PTPRD: variants seen among roughly 807,000 people sequenced by gnomAD.
PTPRD encodes receptor-type tyrosine-protein phosphatase delta.
PTPRD carries 34 observed loss-of-function variants against 214.5 expected under a neutral mutation model. The ratio of observed to expected loss-of-function variants is 0.16; its 90% CI spans 0.12 to 0.21. PTPRD has a LOEUF of 0.21. PTPRD is among the 10% of genes least tolerant of loss of function. The pLI is 1.00. For synonymous variants in PTPRD, 1,128 were observed against 845.7 expected (o/e 1.33, Z -5.79); for missense variants, 2,545 against 2,398.7 (o/e 1.06, Z -1.27).
intron 4 of PTPRD, among the ~76,000 whole-genome samples, chr9:10,029,706 T>C (rs1278873115): frequency 3.9e-5 from 6 of 152,238 alleles, no homozygotes; most frequent in Non-Finnish European, 7.3e-5. Context: ...TACAGGCTCA[T>C]AGGCAGAAGG....
intron 11 of PTPRD, among the ~76,000 whole-genome samples, chr9:8,829,495 T>C (rs1244498919): frequency 7.1e-6 from 1 of 140,774 alleles, no homozygotes; most frequent in Admixed American, 7.2e-5. Flanking sequence ...CTCTGCATTG[T>C]GCATTTAAAA....
intron 5 of PTPRD, among the ~76,000 whole-genome samples, chr9:9,795,523 G>T (rs778817626): frequency 2.6e-5 from 4 of 152,078 alleles, no homozygotes; most frequent in African/African-American, 9.7e-5. Flanking sequence ...TAAAGTATAA[G>T]CATAGTATTG....
chr9:8,834,418 T>G (rs2097368127), intron 11 of PTPRD, among the ~76,000 whole-genome samples: 1 of 93,976 alleles, frequency 1.1e-5, no homozygotes, highest in African/African-American at 4.6e-5. Context: ...AAAAATAGTC[T>G]CTTTTATAAC....
chr9:10,500,171 A>G (rs1057405496), intron 2 of PTPRD, among the ~76,000 whole-genome samples: 1 of 151,924 alleles, frequency 6.6e-6, no homozygotes, highest in African/African-American at 2.4e-5. Context: ...ACTTTCATGC[A>G]TATGTATTAC....
Position 10,367,366 on chromosome 9 carries a change from T to C in PTPRD, c.-599-26349A>G, listed in dbSNP as rs1405855265. Reference sequence around the variant, plus strand: ...TTGACCTTTCTTTAAATGGAAGATATAATAATCATAAAAGGAAGAGTTCTG... The same window carrying C: ...TTGACCTTTCTTTAAATGGAAGATACAATAATCATAAAAGGAAGAGTTCTG... On this transcript the variant is annotated intron_variant, in intron 2 of 45. Coordinates refer to ENST00000381196, the MANE Select transcript of PTPRD (RefSeq NM_002839.4). Among the ~76,000 whole-genome samples the C allele has an allele frequency of 2.0e-5, 3 of 152,198 alleles. No homozygotes were observed. The East Asian group carries it at 5.8e-4, about 29-fold the overall frequency.
In PTPRD at chr9:8,340,282, G is replaced by A. The variant is rs2132336585; in HGVS notation, c.5253+61C>T. 3 of 1,489,886 alleles carry A rather than the reference G, an allele frequency of 2.0e-6. No individual in the cohort carries two copies. The African/African-American group carries it at 4.1e-5, about 20-fold the overall frequency. 92.3% of individuals were successfully genotyped at this position (1,489,886 alleles called of 1,614,324 possible). On this transcript the variant is annotated intron_variant, in intron 42 of 45. Coordinates refer to ENST00000381196, the MANE Select transcript of PTPRD (RefSeq NM_002839.4). The stretch of plus-strand genomic sequence containing the variant: ...CTAGCACAAGAGTTATTGAAACAAA[G>A]TCTTCATTTCTCCACAGAGTAAATG...
At chr9:9,960,021 A>G (rs1215864638) in intron 4 of PTPRD, among the ~76,000 whole-genome samples, 2 of 152,192 alleles carry the variant, frequency 1.3e-5, no homozygotes, top group Non-Finnish European at 2.9e-5. Context: ...AGCAACAAAC[A>G]TGCCTAGCAC....
chr9:10,237,682 T>G (rs10738156), intron 3 of PTPRD, among the ~76,000 whole-genome samples: 59,765 of 151,732 alleles, frequency 0.39, 13,030 homozygotes, highest in Non-Finnish European at 0.49. Flanking sequence ...CAAATCTGTT[T>G]CAGCATCTCA....
chr9:8,499,897 G>T, intron 24 of PTPRD, 57 bp from the exon 25 acceptor site: 1 of 1,384,374 alleles, frequency 7.2e-7, no homozygotes, highest in Non-Finnish European at 9.7e-7. Context: ...CCCTATCAGA[G>T]CATTTTCTGC....
chr9:9,092,133 C>A (rs1022660578), intron 10 of PTPRD, among the ~76,000 whole-genome samples: 1 of 152,146 alleles, frequency 6.6e-6, no homozygotes, highest in Non-Finnish European at 1.5e-5. Flanking sequence ...CTATTGTTAC[C>A]AACATGCTAC....
At chr9:8,845,172 A>T (rs937165358) in intron 11 of PTPRD, among the ~76,000 whole-genome samples, 2 of 93,592 alleles carry the variant, frequency 2.1e-5, no homozygotes, top group Admixed American at 1.1e-4. Context: ...TGCAGGAAAA[A>T]AAAACAAAAA....
chr9:9,730,405 GCTTCA>G (rs1337186720), intron 7 of PTPRD, among the ~76,000 whole-genome samples: 1 of 151,984 alleles, frequency 6.6e-6, no homozygotes, highest in Non-Finnish European at 1.5e-5. Context: ...TATAGATTTT[GCTTCA>G]CTTATTAATG....
intron 44 of PTPRD, among the ~76,000 whole-genome samples, chr9:8,330,939 G>T (rs1554699001): frequency 2.6e-5 from 4 of 151,852 alleles, no homozygotes; most frequent in Non-Finnish European, 2.9e-5. Context: ...TTGTTAGAAG[G>T]TTTTTGCATA....
intron 7 of PTPRD, among the ~76,000 whole-genome samples, chr9:9,712,149 A>G (rs887012098): frequency 6.6e-6 from 1 of 152,148 alleles, no homozygotes; most frequent in Non-Finnish European, 1.5e-5. Context: ...AATTATAACA[A>G]TAAGAGTATC....
chr9:9,964,573 G>C (rs1345255265), intron 4 of PTPRD, among the ~76,000 whole-genome samples: 1 of 152,176 alleles, frequency 6.6e-6, no homozygotes, highest in African/African-American at 2.4e-5. Context: ...ACGTGGGTTA[G>C]GAGTGGGGCA....
intron 11 of PTPRD, among the ~76,000 whole-genome samples, chr9:8,964,574 G>A (rs1201512283): frequency 6.6e-6 from 1 of 151,768 alleles, no homozygotes; most frequent in African/African-American, 2.4e-5. Context: ...CTCAATTTTA[G>A]TTATTTCTTT....
chr9:10,597,185 T>C (rs1228851566), intron 2 of PTPRD, among the ~76,000 whole-genome samples: 1 of 151,564 alleles, frequency 6.6e-6, no homozygotes, highest in African/African-American at 2.4e-5. Flanking sequence ...AAAGGTAAGT[T>C]AGGACATAAA....
chr9:9,259,665 A>ATGC (rs2099979240), intron 9 of PTPRD, among the ~76,000 whole-genome samples: 2 of 152,098 alleles, frequency 1.3e-5, no homozygotes, highest in African/African-American at 4.8e-5. Context: ...AAACTTAGTG[A>ATGC]TGCTGCCATT....
At position 8,975,383 on chromosome 9, in the gene PTPRD, G is replaced by C. The variant is rs556985037; in HGVS notation, c.-104+43314C>G. 1.8e-4 allele frequency among the ~76,000 whole-genome samples: 27 copies of C among 152,162 alleles called. No homozygotes were observed. The East Asian group carries it at 4.9e-3, about 27-fold the overall frequency. ...GAGGCCTAGGAAGATTAGGTAACTTGTGTGAAGCTGGTAATATATTATTCC... is the reference window on the plus strand; with the variant it reads ...GAGGCCTAGGAAGATTAGGTAACTTCTGTGAAGCTGGTAATATATTATTCC... On this transcript the variant is annotated intron_variant, in intron 11 of 45. Coordinates refer to ENST00000381196, the MANE Select transcript of PTPRD (RefSeq NM_002839.4).
Sources: allele counts gnomAD v4.1 joint callset (sites outside exome capture counted in the v4.1 genomes callset), GRCh38; gene constraint gnomAD v4.1.1; transcripts MANE v1.5; gene names NCBI Gene and HGNC (gene_info 2026-07-23, HGNC 2026-07-21).